Variants in DLGAP1 observed in about 807,000 individuals in gnomAD.
DLGAP1 encodes DLG associated protein 1, also known as disks large-associated protein 1.
In DLGAP1, 11 loss-of-function variants were observed where a neutral mutation model predicts 90.8. The observed-to-expected ratio is 0.12, with a 90% CI of 0.08 to 0.20. DLGAP1 has a LOEUF of 0.20. Among genes scored for constraint, DLGAP1 ranks in the 10% least tolerant of loss-of-function variants. DLGAP1 has a pLI of 1.00. For missense variants in DLGAP1, 1,050 were observed against 1,333.8 expected, an observed-to-expected ratio of 0.79 and a Z score of 3.31; for synonymous variants, 558 against 540.7, an observed-to-expected ratio of 1.03 and a Z score of -0.44.
chr18:3,705,634 T>TATA (rs1017533059), intron 7 of DLGAP1, among the ~76,000 whole-genome samples: 4 of 150,328 alleles, frequency 2.7e-5, no homozygotes, highest in Admixed American at 6.6e-5. Context: ...TATATCCCAG[T>TATA]ATAATAATAA....
chr18:4,172,636 A>C (rs894811751), intron 1 of DLGAP1, among the ~76,000 whole-genome samples: 3 of 152,254 alleles, frequency 2.0e-5, no homozygotes, highest in African/African-American at 7.2e-5. Flanking sequence ...ACTGGTGAAC[A>C]TAAGGGTGCT....
intron 4 of DLGAP1, among the ~76,000 whole-genome samples, chr18:3,870,402 A>G (rs1465703081): frequency 6.6e-6 from 1 of 152,184 alleles, no homozygotes; most frequent in Non-Finnish European, 1.5e-5. Context: ...AATTTTAGAG[A>G]TAAATCCTTT....
At chr18:4,388,692 T>A (rs2082283478) in intron 1 of DLGAP1, among the ~76,000 whole-genome samples, 1 of 152,070 alleles carries the variant, frequency 6.6e-6, no homozygotes, top group South Asian at 2.1e-4. Flanking sequence ...AAAGTTACTC[T>A]CCCCCACCCG....
intron 7 of DLGAP1, among the ~76,000 whole-genome samples, chr18:3,641,453 C>A (rs1406465264): frequency 6.7e-6 from 1 of 149,400 alleles, no homozygotes; most frequent in African/African-American, 2.5e-5. Context: ...AGGAGAATCG[C>A]TTGAACCCGG....
intron 7 of DLGAP1, among the ~76,000 whole-genome samples, chr18:3,657,212 T>A (rs1013219926): frequency 2.6e-5 from 4 of 152,256 alleles, no homozygotes; most frequent in Non-Finnish European, 5.9e-5. Context: ...TGTCTGCAGT[T>A]TCATTCGGTT....
intron 1 of DLGAP1, among the ~76,000 whole-genome samples, chr18:4,425,025 C>A (rs1424899972): frequency 7.4e-6 from 1 of 135,272 alleles, no homozygotes; most frequent in Non-Finnish European, 1.5e-5. Flanking sequence ...TTGCAAGAAT[C>A]CAGGGAGATG....
chr18:4,004,036 C>T (rs769600768), intron 3 of DLGAP1, among the ~76,000 whole-genome samples: 4 of 152,174 alleles, frequency 2.6e-5, no homozygotes, highest in Non-Finnish European at 5.9e-5. Context: ...GTCCAGGGCA[C>T]GTTAGTAACT....
intron 10 of DLGAP1, among the ~76,000 whole-genome samples, chr18:3,512,057 T>C (rs2050575861): frequency 8.6e-6 from 1 of 116,190 alleles, no homozygotes; most frequent in Admixed American, 1.0e-4. Context: ...TTTCACATTC[T>C]GGTCATGCTT....
At chr18:3,588,272 C>G (rs1011560691) in intron 7 of DLGAP1, among the ~76,000 whole-genome samples, 6 of 152,112 alleles carry the variant, frequency 3.9e-5, no homozygotes, top group Admixed American at 1.3e-4. Flanking sequence ...CCAGCCTGAA[C>G]AACATGGAGG....
intron 1 of DLGAP1, among the ~76,000 whole-genome samples, chr18:4,277,037 TC>T (rs1281550075): frequency 1.3e-5 from 2 of 152,220 alleles, no homozygotes; most frequent in Non-Finnish European, 2.9e-5. Flanking sequence ...GTAACTTAGC[TC>T]ATGCTGATTT....
intron 1 of DLGAP1, among the ~76,000 whole-genome samples, chr18:4,331,070 A>G (rs936660577): frequency 6.6e-6 from 1 of 151,756 alleles, no homozygotes; most frequent in Non-Finnish European, 1.5e-5. Flanking sequence ...ATAAAGTGAT[A>G]TCTTTATTAT....
At chr18:4,285,666 C>T (rs954389196) in intron 1 of DLGAP1, among the ~76,000 whole-genome samples, 1 of 152,190 alleles carries the variant, frequency 6.6e-6, no homozygotes, top group African/African-American at 2.4e-5. Context: ...AGGGAAATGA[C>T]ATACAGAAAT....
intron 1 of DLGAP1, among the ~76,000 whole-genome samples, chr18:4,369,139 C>T (rs892227075): frequency 6.6e-6 from 1 of 152,140 alleles, no homozygotes; most frequent in Non-Finnish European, 1.5e-5. Context: ...AATAGAGCTG[C>T]CTCTCCTTAT....
At chr18:3,748,212 A>G (rs930827137) in intron 5 of DLGAP1, among the ~76,000 whole-genome samples, 9 of 152,194 alleles carry the variant, frequency 5.9e-5, no homozygotes, top group African/African-American at 1.4e-4. Flanking sequence ...TCATGACTTT[A>G]AAGTACAACC....
chr18:3,741,368 C>A (rs1338937891), intron 6 of DLGAP1, among the ~76,000 whole-genome samples: 8 of 149,154 alleles, frequency 5.4e-5, no homozygotes, highest in African/African-American at 2.0e-4. Context: ...ATCACCATCA[C>A]CACCACCATC....
intron 1 of DLGAP1, among the ~76,000 whole-genome samples, chr18:4,365,753 T>C (rs535555503): frequency 2.5e-4 from 38 of 152,240 alleles, no homozygotes; most frequent in African/African-American, 9.1e-4. Flanking sequence ...GTGTAGGCAA[T>C]AAAATATCCT....
At chr18:3,523,657 C>T (rs186980706) in intron 10 of DLGAP1, among the ~76,000 whole-genome samples, 75 of 151,932 alleles carry the variant, frequency 4.9e-4, no homozygotes, top group Non-Finnish European at 9.4e-4. Context: ...ACCATCCTGG[C>T]TAACACGGTG....
intron 1 of DLGAP1, among the ~76,000 whole-genome samples, chr18:4,333,608 T>TTA (rs10635642): frequency 0.027 from 4,035 of 148,790 alleles, 260 homozygotes; most frequent in African/African-American, 0.096. Flanking sequence ...GCTCAAGACA[T>TTA]TATATATATA....
intron 2 of DLGAP1, among the ~76,000 whole-genome samples, chr18:4,093,616 A>G (rs1211735843): frequency 2.6e-5 from 4 of 152,136 alleles, no homozygotes; most frequent in Non-Finnish European, 5.9e-5. Flanking sequence ...TACTTCTCCA[A>G]CTTTGTACAA....
Sources: allele counts gnomAD v4.1 joint callset (sites outside exome capture counted in the v4.1 genomes callset), GRCh38; gene constraint gnomAD v4.1.1; transcripts MANE v1.5; gene names NCBI Gene and HGNC (gene_info 2026-07-23, HGNC 2026-07-21).